CLVS1: variants seen among roughly 807,000 people sequenced by gnomAD.
CLVS1 encodes the protein clavesin-1.
CLVS1 carries 10 observed loss-of-function variants against 33.1 expected under a neutral mutation model. The observed-to-expected ratio is 0.30, with a 90% CI of 0.19 to 0.51. The LOEUF is 0.51. CLVS1 is among the 20% of genes least tolerant of loss of function. CLVS1 has a pLI of 0.97. For synonymous variants in CLVS1, 163 were observed against 166.1 expected (o/e 0.98, Z 0.14); for missense variants, 343 against 433.4 (o/e 0.79, Z 1.85).
intron 3 of CLVS1, among the ~76,000 whole-genome samples, chr8:61,379,227 GGCC>G (rs1813768567): frequency 6.6e-6 from 1 of 152,162 alleles, no homozygotes; most frequent in East Asian, 1.9e-4. Context: ...GTGAGAAAGT[GGCC>G]TTGTCAGGGG....
Position 61,309,240 on chromosome 8 carries a change from A to G in CLVS1, c.455+8958A>G, listed in dbSNP as rs375581744. On this transcript the variant is annotated intron_variant, in intron 2 of 5. Transcript: ENST00000325897. Reference sequence around the variant, plus strand: ...GAGGGACTTGTTGGTTCAGTTTGAAAGTGAAAGGGGTGCTGACCAATTGAC... The same window carrying G: ...GAGGGACTTGTTGGTTCAGTTTGAAGGTGAAAGGGGTGCTGACCAATTGAC... Among the ~76,000 whole-genome samples, 3 of 152,212 alleles carry G rather than the reference A, an allele frequency of 2.0e-5. No individual in the cohort carries two copies. The East Asian group carries it at 5.8e-4, about 29-fold the overall frequency.
intron 2 of CLVS1, among the ~76,000 whole-genome samples, chr8:61,181,214 T>C (rs891396635): frequency 6.6e-6 from 1 of 152,142 alleles, no homozygotes; most frequent in African/African-American, 2.4e-5. Flanking sequence ...AGCCAAATCA[T>C]GAGTGATCTC....
the CLVS1 span, among the ~76,000 whole-genome samples, chr8:61,026,141 A>G: frequency 6.6e-6 from 1 of 152,034 alleles, no homozygotes; most frequent in East Asian, 1.9e-4. Flanking sequence ...AGTTAGAATA[A>G]GGTTATTAGG....
At chr8:61,486,073 G>A (rs1803869972) in intron 5 of CLVS1, among the ~76,000 whole-genome samples, 1 of 148,696 alleles carries the variant, frequency 6.7e-6, no homozygotes, top group Non-Finnish European at 1.5e-5. Flanking sequence ...TTGTGCACAT[G>A]TACCCTACAA....
At chr8:61,012,067 C>T in the CLVS1 span, among the ~76,000 whole-genome samples, 135 of 152,308 alleles carry the variant, frequency 8.9e-4, no homozygotes, top group Non-Finnish European at 1.5e-3. Context: ...ACCCAGAATC[C>T]GCTCACCCAG....
chr8:61,389,873 G>T (rs915823729), intron 3 of CLVS1, among the ~76,000 whole-genome samples: 1 of 152,188 alleles, frequency 6.6e-6, no homozygotes, highest in Admixed American at 6.5e-5. Context: ...TGTATATCTT[G>T]GAAGCTCCAG....
At chr8:61,410,690 G>A (rs1171686038) in intron 3 of CLVS1, among the ~76,000 whole-genome samples, 3 of 152,006 alleles carry the variant, frequency 2.0e-5, no homozygotes, top group African/African-American at 2.4e-5. Context: ...CACCCCGGCT[G>A]GAGTGCAGTG....
intron 2 of CLVS1, among the ~76,000 whole-genome samples, chr8:61,136,002 A>G (rs1049640516): frequency 6.6e-6 from 1 of 152,250 alleles, no homozygotes; most frequent in Non-Finnish European, 1.5e-5. Flanking sequence ...GGCACAAGCC[A>G]CATCAGCATC....
intron 2 of CLVS1, among the ~76,000 whole-genome samples, chr8:61,326,618 C>T (rs147974360): frequency 1.3e-5 from 2 of 152,228 alleles, no homozygotes; most frequent in African/African-American, 4.8e-5. Context: ...AGCATAATCG[C>T]AGTACAGAGG....
chr8:61,193,670 GA>G (rs1807543115), intron 2 of CLVS1, among the ~76,000 whole-genome samples: 1 of 151,838 alleles, frequency 6.6e-6, no homozygotes, highest in African/African-American at 2.4e-5. Flanking sequence ...AAACTATCAA[GA>G]ATGAAGGTAA....
chr8:61,081,183 C>G (rs958080150), intron 1 of CLVS1, among the ~76,000 whole-genome samples: 1 of 152,122 alleles, frequency 6.6e-6, no homozygotes, highest in Non-Finnish European at 1.5e-5. Flanking sequence ...TGCTTTGCTG[C>G]TAGGACTGGA....
At chr8:61,196,626 T>C (rs1211126867) in intron 2 of CLVS1, among the ~76,000 whole-genome samples, 2 of 152,206 alleles carry the variant, frequency 1.3e-5, no homozygotes, top group Non-Finnish European at 2.9e-5. Context: ...GAGATAAGCT[T>C]CATAAGAGCA....
intron 1 of CLVS1, among the ~76,000 whole-genome samples, chr8:61,128,456 G>A (rs532699406): frequency 6.6e-6 from 1 of 152,134 alleles, no homozygotes; most frequent in African/African-American, 2.4e-5. Flanking sequence ...CATGTGTAGG[G>A]TTCCTTTCTT....
intron 2 of CLVS1, among the ~76,000 whole-genome samples, chr8:61,373,639 C>G (rs935001383): frequency 6.6e-6 from 1 of 152,250 alleles, no homozygotes; most frequent in African/African-American, 2.4e-5. Flanking sequence ...ACTAAAAGTG[C>G]TCTCCCACAA....
rs987198590 is a variant in CLVS1, at chr8:61,458,216, A to G, written c.742-91A>G. ...CACTGTGATCACCAGCAGTGCATCCAATTTGTCATGGCTAAATTGTGTATT... is the reference window on the plus strand; with the variant it reads ...CACTGTGATCACCAGCAGTGCATCCGATTTGTCATGGCTAAATTGTGTATT... On this transcript the variant is annotated intron_variant, in intron 4 of 5. Transcript: ENST00000325897. The G allele has an allele frequency of 1.1e-5, 10 of 936,026 alleles. No homozygotes were observed. In the African/African-American group the frequency reaches 1.5e-4, roughly 14 times the overall value. The allele number at this position is 936,026 out of a possible 1,614,324, so 58.0% of individuals were successfully genotyped here.
At chr8:61,458,624 T>C in intron 5 of CLVS1, 82 bp downstream of exon 5, 1 of 884,850 alleles carries the variant, frequency 1.1e-6, no homozygotes, top group Non-Finnish European at 1.7e-6. Context: ...AATTATTAAT[T>C]AAAGACCTTT....
intron 3 of CLVS1, among the ~76,000 whole-genome samples, chr8:61,382,925 G>A (rs1269898102): frequency 6.6e-6 from 1 of 152,174 alleles, no homozygotes; most frequent in African/African-American, 2.4e-5. Flanking sequence ...CCTCCTCAGA[G>A]GTTTATGGTG....
At chr8:61,236,693 T>C (rs1467665229) in intron 2 of CLVS1, among the ~76,000 whole-genome samples, 1 of 152,196 alleles carries the variant, frequency 6.6e-6, no homozygotes, top group Non-Finnish European at 1.5e-5. Flanking sequence ...TAGATTCAGC[T>C]GGGCTTCATT....
chr8:61,177,902 A>C (rs972581576), intron 2 of CLVS1, among the ~76,000 whole-genome samples: 6 of 152,096 alleles, frequency 3.9e-5, no homozygotes, highest in African/African-American at 1.4e-4. Context: ...TCAATGAAAA[A>C]ATGCTGAAAA....
Sources: allele counts gnomAD v4.1 joint callset (sites outside exome capture counted in the v4.1 genomes callset), GRCh38; gene constraint gnomAD v4.1.1; transcripts MANE v1.5; gene names NCBI Gene and HGNC (gene_info 2026-07-23, HGNC 2026-07-21).